The following GPR107 variants were observed in gnomAD, a reference collection of about 807,000 sequenced individuals.
GPR107 encodes the protein protein GPR107.
Under a neutral mutation model 75.5 loss-of-function variants are expected in GPR107, and 31 were observed. The observed-to-expected ratio is 0.41, with a 90% CI of 0.31 to 0.55. GPR107 has a LOEUF of 0.55. GPR107 is among the 20% of genes least tolerant of loss of function. The pLI, the probability that GPR107 is intolerant of heterozygous loss-of-function variation, is 0.26. For missense variants in GPR107, 572 were observed against 665.7 expected (o/e 0.86, Z 1.55); for synonymous variants, 267 against 251.3 (o/e 1.06, Z -0.59).
chr9:130,058,320 C>T (rs1292803705), intron 1 of GPR107, among the ~76,000 whole-genome samples: 1 of 152,140 alleles, frequency 6.6e-6, no homozygotes, highest in Non-Finnish European at 1.5e-5. Context: ...ACGTTTCTGT[C>T]ACCCCATAAG....
chr9:130,127,628 T>C, intron 16 of GPR107, 62 bp downstream of exon 16: 1 of 874,770 alleles, frequency 1.1e-6, no homozygotes, highest in Non-Finnish European at 2.0e-6. Context: ...TCTTGAAGTG[T>C]AACTTAACAG....
chr9:130,128,089 C>G (rs747262590), intron 16 of GPR107, among the ~76,000 whole-genome samples: 14 of 152,160 alleles, frequency 9.2e-5, no homozygotes, highest in Non-Finnish European at 2.1e-4. Flanking sequence ...AAAATAATTG[C>G]ATTCTTGATT....
chr9:130,130,479 G>A (rs912314469), intron 17 of GPR107, among the ~76,000 whole-genome samples: 4 of 152,222 alleles, frequency 2.6e-5, no homozygotes, highest in African/African-American at 9.7e-5. Context: ...TCATGTGGGC[G>A]AGGAACGTGT....
chr9:130,085,980 A>G (rs1830607158), intron 6 of GPR107, among the ~76,000 whole-genome samples: 2 of 151,938 alleles, frequency 1.3e-5, no homozygotes, highest in South Asian at 4.2e-4. Context: ...TGAACTCCTG[A>G]CCTCAAGTGA....
At chr9:130,072,660 T>C (rs1057199464) in intron 1 of GPR107, among the ~76,000 whole-genome samples, 1 of 152,076 alleles carries the variant, frequency 6.6e-6, no homozygotes, top group African/African-American at 2.4e-5. Context: ...TTCATGGCAT[T>C]GTATCATCAA....
At chr9:130,087,967 T>G (rs1830653017) in intron 7 of GPR107, among the ~76,000 whole-genome samples, 1 of 152,180 alleles carries the variant, frequency 6.6e-6, no homozygotes, top group Non-Finnish European at 1.5e-5. Flanking sequence ...CCATAAGCAC[T>G]GTTCTGATTT....
At position 130,100,994 on chromosome 9, in the gene GPR107, C is replaced by T; in HGVS notation, c.1014-112C>T. On this transcript the variant is annotated intron_variant, in intron 11 of 17. Transcript: ENST00000347136. ...TGTATGATGGATTTCCTAAATTTGG[C>T]TGCCCGTCTTTTGTAAGAAGCTTGT... 4 of 736,484 alleles carry T rather than the reference C, an allele frequency of 5.4e-6. No homozygotes were observed. In the Admixed American group the frequency reaches 6.2e-5, roughly 11 times the overall value. The allele number at this position is 736,484 out of a possible 1,614,324, so 45.6% of individuals were successfully genotyped here.
At position 130,136,783 on chromosome 9, in the gene GPR107, T is replaced by G. The variant is rs1831969251; in HGVS notation, c.*1662T>G. The stretch of plus-strand genomic sequence containing the variant: ...GGTTCTGTAGGGTGCTCTGAAGGTG[T>G]GATCTGCCTTCTGGCTGATGTGGAG... On this transcript the variant is annotated 3_prime_UTR_variant, in exon 18 of 18. Transcript: ENST00000347136. The G allele has an allele frequency of 6.6e-6, 1 of 152,238 alleles. No individual in the cohort carries two copies. The highest frequency in any genetic ancestry group is 2.4e-5 in the African/African-American group (1 of 41,444). 9.4% of individuals were successfully genotyped at this position (152,238 alleles called of 1,614,324 possible).
chr9:130,125,398 T>TG (rs1318520212), intron 15 of GPR107, among the ~76,000 whole-genome samples: 3 of 133,524 alleles, frequency 2.2e-5, no homozygotes, highest in Non-Finnish European at 5.0e-5. Context: ...CTTGCTTTTT[T>TG]GCTTTTTTTT....
chr9:130,126,743 T>C (rs1831698392), intron 15 of GPR107, among the ~76,000 whole-genome samples: 1 of 152,210 alleles, frequency 6.6e-6, no homozygotes, highest in South Asian at 2.1e-4. Flanking sequence ...TAGAGAGAGA[T>C]GCAAGAGCAG....
intron 14 of GPR107, among the ~76,000 whole-genome samples, chr9:130,121,527 C>T (rs1157879732): frequency 6.6e-6 from 1 of 152,160 alleles, no homozygotes; most frequent in African/African-American, 2.4e-5. Context: ...TACTCTTAGC[C>T]CTGCCCCATT....
intron 6 of GPR107, 132 bp from the exon 7 acceptor site, chr9:130,086,288 T>C: frequency 1.5e-6 from 1 of 647,336 alleles, no homozygotes; most frequent in South Asian, 1.9e-5. Context: ...TGGTTTTATT[T>C]TCAGAGAGCT....
chr9:130,113,857 A>C lies in GPR107; in HGVS notation c.1306+6318A>C, dbSNP rs192408863. ...GTAGAATCACAGACTATTCACAGTA[A>C]TCTGAAAAGGCCTACATCTATCTGT... On this transcript the variant is annotated intron_variant, in intron 14 of 17. Coordinates refer to ENST00000347136, the MANE Select transcript of GPR107 (RefSeq NM_020960.5). 1.6e-3 allele frequency among the ~76,000 whole-genome samples: 247 copies of C among 152,270 alleles called. 1 individual carries two copies. Among genetic ancestry groups the C allele is most frequent in the African/African-American group, 5.8e-3 (242 of 41,554 alleles).
At chr9:130,083,748 A>C in intron 6 of GPR107, 146 bp downstream of exon 6, 1 of 440,060 alleles carries the variant, frequency 2.3e-6, no homozygotes, top group Non-Finnish European at 4.1e-6. Flanking sequence ...TGGTGACCAC[A>C]GGGGATTGGT....
intron 1 of GPR107, among the ~76,000 whole-genome samples, chr9:130,069,510 T>C (rs970172200): frequency 6.6e-6 from 1 of 152,210 alleles, no homozygotes; most frequent in African/African-American, 2.4e-5. Context: ...TCCTCGCTTG[T>C]ACTTTCTTCA....
chr9:130,062,325 A>G (rs1036557696), intron 1 of GPR107, among the ~76,000 whole-genome samples: 1 of 151,496 alleles, frequency 6.6e-6, no homozygotes, highest in African/African-American at 2.4e-5. Flanking sequence ...CGGCAAGAGA[A>G]TTGCTTGAAC....
At chr9:130,096,041 C>T (rs1830859676) in intron 9 of GPR107, among the ~76,000 whole-genome samples, 1 of 96,772 alleles carries the variant, frequency 1.0e-5, no homozygotes, top group South Asian at 3.8e-4. Context: ...TCAGGCCCCT[C>T]CCAACTTCAA....
intron 14 of GPR107, among the ~76,000 whole-genome samples, chr9:130,117,274 A>G (rs1278934316): frequency 3.9e-5 from 6 of 152,094 alleles, no homozygotes; most frequent in African/African-American, 1.2e-4. Context: ...TCATTTTCAC[A>G]TGACTCAACA....
At position 130,106,343 on chromosome 9, in the gene GPR107, A is replaced by G. The variant is rs559258566; in HGVS notation, c.1263-1153A>G. ...GCTGGGCGCGGTGGTTCACGCCTGT[A>G]ATCCCAGCACTTTGGGAGGCTGAGG... On this transcript the variant is annotated intron_variant, in intron 13 of 17. Transcript: ENST00000347136. Among the ~76,000 whole-genome samples the G allele has an allele frequency of 2.8e-4, 43 of 152,204 alleles. 1 individual carries two copies. In the East Asian group the frequency reaches 8.0e-3, roughly 28 times the overall value.
Sources: allele counts gnomAD v4.1 joint callset (sites outside exome capture counted in the v4.1 genomes callset), GRCh38; gene constraint gnomAD v4.1.1; transcripts MANE v1.5; gene names NCBI Gene and HGNC (gene_info 2026-07-23, HGNC 2026-07-21).